NRG3: variants seen among roughly 807,000 people sequenced by gnomAD.
The protein encoded by NRG3 is neuregulin 3.
NRG3 carries 31 observed loss-of-function variants against 66.9 expected under a neutral mutation model. That is an observed-to-expected ratio of 0.46 (90% confidence interval 0.35 to 0.63). NRG3 has a LOEUF of 0.63. Ranked by LOEUF, NRG3 falls within the 20% of genes least tolerant of loss-of-function variation. The pLI is 0.00. For synonymous variants in NRG3, 393 were observed against 359.4 expected (o/e 1.09, Z -1.06); for missense variants, 910 against 878.9 (o/e 1.04, Z -0.45).
chr10:82,044,581 T>G (rs1314881163), intron 1 of NRG3, among the ~76,000 whole-genome samples: 1 of 152,052 alleles, frequency 6.6e-6, no homozygotes, highest in Non-Finnish European at 1.5e-5. Context: ...AATTTTTATT[T>G]TATTATTATT....
intron 1 of NRG3, among the ~76,000 whole-genome samples, chr10:82,179,668 A>G (rs2073281753): frequency 6.6e-6 from 1 of 151,912 alleles, no homozygotes; most frequent in South Asian, 2.1e-4. Context: ...TTTTGAAATT[A>G]CAGAGTATGA....
At chr10:82,347,821 A>T (rs1325201411) in intron 1 of NRG3, among the ~76,000 whole-genome samples, 1 of 151,872 alleles carries the variant, frequency 6.6e-6, no homozygotes, top group Non-Finnish European at 1.5e-5. Context: ...CCATTATGTA[A>T]TGGCCTTCTT....
intron 1 of NRG3, among the ~76,000 whole-genome samples, chr10:82,107,539 G>GA (rs1402608781): frequency 6.6e-6 from 1 of 152,056 alleles, no homozygotes; most frequent in Non-Finnish European, 1.5e-5. Flanking sequence ...TGGAAAAACA[G>GA]AAAAAAATTA....
intron 3 of NRG3, among the ~76,000 whole-genome samples, chr10:82,805,085 A>T (rs2135461987): frequency 6.6e-6 from 1 of 152,334 alleles, no homozygotes; most frequent in South Asian, 2.1e-4. Flanking sequence ...AAATCCCCTG[A>T]TGAACCTGTG....
chr10:82,925,551 C>T (rs1846897636), intron 4 of NRG3, among the ~76,000 whole-genome samples: 2 of 152,330 alleles, frequency 1.3e-5, no homozygotes, highest in South Asian at 4.1e-4. Flanking sequence ...GAGGCATGGC[C>T]TCGCAGAATA....
At chr10:82,183,950 T>G (rs1007866007) in intron 1 of NRG3, among the ~76,000 whole-genome samples, 3 of 152,112 alleles carry the variant, frequency 2.0e-5, no homozygotes, top group Non-Finnish European at 4.4e-5. Flanking sequence ...GAGTTGCCCT[T>G]GTCTACAGAG....
chr10:82,332,613 A>AACTACTATT (rs2082191482), intron 1 of NRG3, among the ~76,000 whole-genome samples: 1 of 152,184 alleles, frequency 6.6e-6, no homozygotes, highest in South Asian at 2.1e-4. Flanking sequence ...TTTGAATGAT[A>AACTACTATT]ACTAGGCTTT....
At chr10:82,880,808 G>A (rs1256051058) in intron 4 of NRG3, among the ~76,000 whole-genome samples, 1 of 152,204 alleles carries the variant, frequency 6.6e-6, no homozygotes, top group Non-Finnish European at 1.5e-5. Context: ...TGCATGAGGT[G>A]TATCTATAAA....
At chr10:82,831,838 A>G (rs61860661) in intron 3 of NRG3, among the ~76,000 whole-genome samples, 16,704 of 152,214 alleles carry the variant, frequency 0.11, 1,038 homozygotes, top group South Asian at 0.2. Context: ...TAGGGCATGC[A>G]GATGGAAAGG....
rs538123787 is a variant in NRG3, at chr10:82,662,196, T to G, written c.954-76381T>G. 4.5e-4 allele frequency among the ~76,000 whole-genome samples: 68 copies of G among 152,304 alleles called. No individual in the cohort carries two copies. The Middle Eastern group carries it at 0.031, about 69-fold the overall frequency. ...TTTCTTTCATATCTTTTGTTGTGTT[T>G]TTAAAGTGACTTTTATATATGAATA... On this transcript the variant is annotated intron_variant, in intron 2 of 8. Transcript: ENST00000372141.
chr10:82,622,674 C>T (rs781621081), intron 2 of NRG3, among the ~76,000 whole-genome samples: 13 of 152,198 alleles, frequency 8.5e-5, no homozygotes, highest in Admixed American at 5.2e-4. Flanking sequence ...CAGTGAGCCA[C>T]AGCTCCCAGC....
intron 1 of NRG3, among the ~76,000 whole-genome samples, chr10:82,108,276 C>G (rs2067187147): frequency 6.6e-6 from 1 of 152,170 alleles, no homozygotes; most frequent in East Asian, 1.9e-4. Flanking sequence ...ATTTTGCAAG[C>G]TGTTACTGAT....
intron 1 of NRG3, among the ~76,000 whole-genome samples, chr10:82,169,637 T>A (rs2072400380): frequency 6.6e-6 from 1 of 151,830 alleles, no homozygotes; most frequent in Non-Finnish European, 1.5e-5. Context: ...CCTTAAAATA[T>A]TTCTTTATTT....
chr10:81,982,599 G>A (rs555467884), intron 1 of NRG3, among the ~76,000 whole-genome samples: 22 of 152,204 alleles, frequency 1.4e-4, no homozygotes, highest in Non-Finnish European at 2.5e-4. Context: ...GTTTCAGCAA[G>A]CCTGAGCCTC....
At chr10:82,715,285 C>A (rs773807123) in intron 2 of NRG3, among the ~76,000 whole-genome samples, 1 of 152,146 alleles carries the variant, frequency 6.6e-6, no homozygotes, top group Non-Finnish European at 1.5e-5. Flanking sequence ...GTAGTCCCAA[C>A]CGCTTTGGAG....
At chr10:81,913,927 C>A (rs1375874387) in intron 1 of NRG3, among the ~76,000 whole-genome samples, 1 of 152,160 alleles carries the variant, frequency 6.6e-6, no homozygotes. Context: ...GGTTGAAAAT[C>A]TGTAAAATTG....
At chr10:82,371,971 G>T (rs1335008450) in intron 2 of NRG3, among the ~76,000 whole-genome samples, 3 of 152,124 alleles carry the variant, frequency 2.0e-5, no homozygotes, top group Non-Finnish European at 2.9e-5. Flanking sequence ...CCCCCACAAT[G>T]GGGGTCTAAT....
intron 3 of NRG3, among the ~76,000 whole-genome samples, chr10:82,768,358 G>A (rs976800843): frequency 6.6e-6 from 1 of 151,990 alleles, no homozygotes; most frequent in Non-Finnish European, 1.5e-5. Flanking sequence ...ATGGACATGT[G>A]GCCTTCAAGA....
chr10:82,050,827 C>CTCTCTGTCTCTCCAGCCATGCCTCCAG, intron 1 of NRG3, among the ~76,000 whole-genome samples: 1 of 151,922 alleles, frequency 6.6e-6, no homozygotes, highest in East Asian at 2.0e-4. Flanking sequence ...CATGCCTCCA[C>CTCTCTGTCTCTCCAGCCATGCCTCCAG]TTGCAGAATA....
Sources: allele counts gnomAD v4.1 joint callset (sites outside exome capture counted in the v4.1 genomes callset), GRCh38; gene constraint gnomAD v4.1.1; transcripts MANE v1.5; gene names NCBI Gene and HGNC (gene_info 2026-07-23, HGNC 2026-07-21).